Variants in NUP210L observed in about 807,000 individuals in gnomAD.
NUP210L encodes the protein nucleoporin 210 like, also known as nuclear pore membrane glycoprotein 210-like.
Under a neutral mutation model 208.5 loss-of-function variants are expected in NUP210L, and 74 were observed. That is an observed-to-expected ratio of 0.35 (90% CI 0.29 to 0.43). The LOEUF (loss-of-function observed/expected upper bound fraction) is 0.43. Ranked by LOEUF, NUP210L falls within the 20% of genes least tolerant of loss-of-function variation. The pLI, the probability that NUP210L is intolerant of heterozygous loss-of-function variation, is 1.00. For missense variants in NUP210L, 1,843 were observed against 2,289.4 expected (o/e 0.81, Z 3.98); for synonymous variants, 780 against 816.9 (o/e 0.95, Z 0.77).
chr1:154,085,714 TCAAAACTTACTA>T (rs1655590323), intron 16 of NUP210L, among the ~76,000 whole-genome samples: 1 of 152,074 alleles, frequency 6.6e-6, no homozygotes, highest in African/African-American at 2.4e-5. Context: ...CTTCCCAACC[TCAAAACTTACTA>T]CAAAACTACA....
At position 154,141,450 on chromosome 1, in the gene NUP210L, C is replaced by A; in HGVS notation, c.547G>T (p.Glu183Ter). Residue 183 changes from glutamate (E) to a stop codon, truncating the protein, a stop_gained, in exon 4 of 40, where the codon GAA becomes TAA. Transcript: ENST00000368559. LOFTEE classifies it high-confidence loss of function. The stretch of plus-strand genomic sequence containing the variant: ...GTTTACCTAATTTTGCTAGACAGTT[C>A]TTCTCTTGCTGACTCGTTGTCCTGG... The A allele has an allele frequency of 6.2e-7, 1 of 1,608,070 alleles. No homozygotes were observed. Among genetic ancestry groups the A allele is most frequent in the Non-Finnish European group, 8.5e-7 (1 of 1,174,504 alleles).
exon 37 of NUP210L, chr1:154,000,994 C>T: frequency 3.1e-6 from 5 of 1,614,098 alleles, no homozygotes; most frequent in Non-Finnish European, 4.2e-6. Context: ...GAGTAAATGG[C>T]CAGGCCAGGA....
In NUP210L at chr1:154,099,362, C is replaced by T. The variant is rs139420960; in HGVS notation, c.1965+636G>A. ...TGGGGCTCCTGGGGCTCCCACTTGG[C>T]GTCGGTTCCAAACGGCTCCACGGAG... On this transcript the variant is annotated intron_variant, in intron 14 of 39. Transcript: ENST00000368559. 7.6e-4 allele frequency among the ~76,000 whole-genome samples: 115 copies of T among 152,216 alleles called. 1 individual carries two copies. Among genetic ancestry groups the T allele is most frequent in the African/African-American group, 2.6e-3 (110 of 41,536 alleles).
chr1:154,001,485 C>T (rs111613142), intron 36 of NUP210L, among the ~76,000 whole-genome samples: 106 of 152,224 alleles, frequency 7.0e-4, no homozygotes, highest in African/African-American at 1.9e-3. Flanking sequence ...CATGAGCCAC[C>T]GCGCTCGGCC....
intron 16 of NUP210L, among the ~76,000 whole-genome samples, chr1:154,071,677 C>CCAGGCT (rs1256301392): frequency 6.8e-6 from 1 of 146,476 alleles, no homozygotes; most frequent in Non-Finnish European, 1.5e-5. Flanking sequence ...GCTCTGTCAC[C>CCAGGCT]CAGGCTGGAG....
At chr1:154,058,658 C>T (rs201928881) in exon 21 of NUP210L, 1 of 1,613,750 alleles carries the variant, frequency 6.2e-7, no homozygotes. Flanking sequence ...GATCATAGAC[C>T]TCCAAGGTAA....
In NUP210L at chr1:154,041,606, G is replaced by A. The variant is rs12063023; in HGVS notation, c.3696+4463C>T. On this transcript the variant is annotated intron_variant, in intron 27 of 39. Transcript: ENST00000368559. ...TCGGCCTCCAGGTGTGAACCACTGC[G>A]CCCAGCCCACACAGAAATACATTAA... Among the ~76,000 whole-genome samples, 404 of 149,988 alleles carry A rather than the reference G, an allele frequency of 2.7e-3. 3 individuals carry two copies. The highest frequency in any genetic ancestry group is 9.5e-3 in the African/African-American group (386 of 40,680).
At chr1:154,100,224 A>C (rs2148062064) in intron 13 of NUP210L, 81 bp from the exon 14 acceptor site, 1 of 1,321,060 alleles carries the variant, frequency 7.6e-7, no homozygotes, top group Non-Finnish European at 1.1e-6. Flanking sequence ...CCAAGGCAGG[A>C]AGATTGCTTG....
intron 28 of NUP210L, among the ~76,000 whole-genome samples, chr1:154,028,300 A>C (rs1478779640): frequency 6.6e-6 from 1 of 152,190 alleles, no homozygotes; most frequent in Admixed American, 6.6e-5. Context: ...AAATGGACTT[A>C]TATCGGCTGG....
intron 2 of NUP210L, among the ~76,000 whole-genome samples, chr1:154,152,477 A>ATTTT (rs11458686): frequency 2.2e-5 from 3 of 139,356 alleles, no homozygotes; most frequent in South Asian, 2.3e-4. Flanking sequence ...CCCAGCCATA[A>ATTTT]TTTTTTTTTT....
intron 32 of NUP210L, among the ~76,000 whole-genome samples, chr1:154,021,108 AT>A (rs1651533746): frequency 6.6e-6 from 1 of 150,590 alleles, no homozygotes; most frequent in African/African-American, 2.4e-5. Flanking sequence ...TGCACAGCTA[AT>A]TTTTGTATTT....
intron 5 of NUP210L, 115 bp downstream of exon 5, chr1:154,139,687 C>CAAAAAA: frequency 3.7e-6 from 2 of 543,902 alleles, no homozygotes; most frequent in Non-Finnish European, 6.2e-6. Context: ...AACAAACAAA[C>CAAAAAA]AAAAAAAAAA....
At chr1:154,045,445 T>G (rs994071833) in intron 27 of NUP210L, among the ~76,000 whole-genome samples, 1 of 152,198 alleles carries the variant, frequency 6.6e-6, no homozygotes, top group African/African-American at 2.4e-5. Flanking sequence ...TCATCTAACA[T>G]AGTCATCTGC....
Position 154,118,810 on chromosome 1 carries a change from T to C in NUP210L, c.1327-2A>G. On this transcript the variant is annotated splice_acceptor_variant, in intron 10 of 39. Coordinates refer to ENST00000368559, the Ensembl canonical transcript of NUP210L. LOFTEE classifies it high-confidence loss of function. ...TTTTATAGGCTGAATATCTTTATTC[T>C]ATAAGAGCAGGAAAAAAGGAGCAAA... 6.5e-7 allele frequency: 1 copy of C among 1,543,094 alleles called. No homozygotes were observed. Among genetic ancestry groups the C allele is most frequent in the Non-Finnish European group, 8.9e-7 (1 of 1,122,812 alleles).
intron 35 of NUP210L, among the ~76,000 whole-genome samples, chr1:154,003,820 A>G (rs1479321685): frequency 3.3e-5 from 5 of 152,032 alleles, no homozygotes; most frequent in South Asian, 2.1e-4. Flanking sequence ...CTTCATCCCT[A>G]TATCCAATCA....
intron 37 of NUP210L, among the ~76,000 whole-genome samples, chr1:153,996,598 T>C: frequency 6.6e-6 from 1 of 152,066 alleles, no homozygotes; most frequent in East Asian, 1.9e-4. Flanking sequence ...ATTTTCGTAT[T>C]TTTAGTAGGG....
At chr1:154,111,443 GA>G (rs1657034860) in intron 12 of NUP210L, among the ~76,000 whole-genome samples, 2 of 150,926 alleles carry the variant, frequency 1.3e-5, no homozygotes, top group Non-Finnish European at 2.9e-5. Flanking sequence ...AATCTGAGAT[GA>G]AAAAGAAGAT....
At chr1:154,057,111 T>C (rs1270908218) in intron 22 of NUP210L, among the ~76,000 whole-genome samples, 164 bp from the exon 23 acceptor site, 1 of 152,134 alleles carries the variant, frequency 6.6e-6, no homozygotes, top group Non-Finnish European at 1.5e-5. Flanking sequence ...CCTGAGTAAC[T>C]GGGACTACAG....
At chr1:153,995,112 A>G (rs1181045928) in exon 38 of NUP210L, 1 of 1,614,006 alleles carries the variant, frequency 6.2e-7, no homozygotes, top group Non-Finnish European at 8.5e-7. Context: ...AGCACTGCAA[A>G]GAGGGTCAAG....
Sources: allele counts gnomAD v4.1 joint callset (sites outside exome capture counted in the v4.1 genomes callset), GRCh38; gene constraint gnomAD v4.1.1; transcripts MANE v1.5; gene names NCBI Gene and HGNC (gene_info 2026-07-23, HGNC 2026-07-21).